Variants in FRMPD4 observed in about 807,000 individuals in gnomAD.
The protein encoded by FRMPD4 is FERM and PDZ domain-containing protein 4.
Under a neutral mutation model 94.1 loss-of-function variants are expected in FRMPD4, and 22 were observed. The ratio of observed to expected loss-of-function variants is 0.23; its 90% CI spans 0.17 to 0.33. The LOEUF is 0.33. Ranked by LOEUF, FRMPD4 falls within the 10% of genes least tolerant of loss-of-function variation. The pLI is 1.00. For synonymous variants in FRMPD4, 631 were observed against 548.6 expected (o/e 1.15, Z -2.10); for missense variants, 1,111 against 1,339.9 (o/e 0.83, Z 2.67).
At chrX:11,934,310 T>G (rs2054138500) in intron 3 of FRMPD4, among the ~76,000 whole-genome samples, 1 of 111,862 alleles carries the variant, frequency 8.9e-6, no homozygotes, top group African/African-American at 3.2e-5. Flanking sequence ...CCAGTGGTAG[T>G]TAGTGTACAT....
intron 4 of FRMPD4, among the ~76,000 whole-genome samples, chrX:12,646,434 G>A (rs934573560): frequency 9.0e-6 from 1 of 111,636 alleles, no homozygotes; most frequent in Non-Finnish European, 1.9e-5. Context: ...ATTTTTCTAG[G>A]TTGAGGCTAA....
At chrX:12,089,578 C>T (rs2055137801) in intron 3 of FRMPD4, among the ~76,000 whole-genome samples, 1 of 111,561 alleles carries the variant, frequency 9.0e-6, no homozygotes, top group Admixed American at 9.5e-5. Context: ...TTCATATGTT[C>T]GTTGGCCATT....
intron 1 of FRMPD4, among the ~76,000 whole-genome samples, chrX:12,311,859 A>AT (rs770179224): frequency 8.2e-4 from 91 of 111,317 alleles, no homozygotes; most frequent in Non-Finnish European, 1.5e-3. Flanking sequence ...TTCATTTCTA[A>AT]TTTTTGTGTT....
intron 3 of FRMPD4, among the ~76,000 whole-genome samples, chrX:12,125,367 G>A (rs1372570514): frequency 8.9e-6 from 1 of 112,106 alleles, no homozygotes; most frequent in East Asian, 2.8e-4. Context: ...TTCTGGAGGT[G>A]TTACCAGAAA....
At chrX:12,103,083 G>A (rs1455465847) in intron 3 of FRMPD4, among the ~76,000 whole-genome samples, 2 of 111,539 alleles carry the variant, frequency 1.8e-5, no homozygotes, top group African/African-American at 6.5e-5. Context: ...CCCAGGAAGT[G>A]TCTTGAGATA....
At position 12,717,495 on chromosome X, in the gene FRMPD4, A is replaced by G. The variant is rs774051300; in HGVS notation, c.2675-6A>G. 2.6e-6 allele frequency: 3 copies of G among 1,155,778 alleles called. No homozygotes were observed. The highest frequency in any genetic ancestry group is 3.6e-5 in the South Asian group (2 of 54,901). ...TTAATCAGTTCTTGTTTTTTACGGCATGCAGGTGTAGCCATCTTGCGGGCT... is the reference window on the plus strand; with the variant it reads ...TTAATCAGTTCTTGTTTTTTACGGCGTGCAGGTGTAGCCATCTTGCGGGCT... On this transcript the variant is annotated splice_region_variant and splice_polypyrimidine_tract_variant and intron_variant, in intron 15 of 16. Transcript: ENST00000675598.
At chrX:12,266,656 A>T (rs2054281867) in intron 1 of FRMPD4, among the ~76,000 whole-genome samples, 1 of 111,915 alleles carries the variant, frequency 8.9e-6, no homozygotes, top group South Asian at 3.8e-4. Context: ...ATTGGAATCT[A>T]CCATACCAGT....
chrX:12,287,128 T>C lies in FRMPD4; in HGVS notation c.41+148116T>C, dbSNP rs762259989. ...GCACTATCTAGATGTTAGGAATGCA[T>C]TGATGAACAAGGCAAGACCAAATGT... On this transcript the variant is annotated intron_variant, in intron 1 of 16. Transcript: ENST00000675598. Among the ~76,000 whole-genome samples the C allele has an allele frequency of 2.2e-4, 25 of 112,515 alleles. No individual in the cohort carries two copies. The South Asian group carries it at 6.2e-3, about 28-fold the overall frequency.
chrX:12,714,855 C>A (rs768841293), intron 14 of FRMPD4, among the ~76,000 whole-genome samples: 10 of 111,966 alleles, frequency 8.9e-5, no homozygotes, highest in Non-Finnish European at 1.7e-4. Flanking sequence ...TGGTAAGATG[C>A]AAATATGGCC....
intron 1 of FRMPD4, among the ~76,000 whole-genome samples, chrX:12,234,818 G>A (rs902572948): frequency 1.8e-5 from 2 of 112,156 alleles, no homozygotes; most frequent in East Asian, 5.6e-4. Context: ...CTAACAACTT[G>A]TGAAGGATTG....
At chrX:12,404,629 A>G (rs2056646544) in intron 1 of FRMPD4, among the ~76,000 whole-genome samples, 1 of 112,067 alleles carries the variant, frequency 8.9e-6, no homozygotes. Flanking sequence ...GGATGAACAT[A>G]ATTTCTCTTT....
In FRMPD4 at chrX:12,683,364, A is replaced by T. The variant is rs2059991548; in HGVS notation, c.469-119A>T. 2.1e-5 allele frequency: 9 copies of T among 433,792 alleles called. No homozygotes were observed. In the South Asian group the frequency reaches 3.4e-4, roughly 17 times the overall value. The allele number at this position is 433,792 out of a possible 1,213,427, so 35.7% of individuals were successfully genotyped here. ...AATTTGCATTTTGTCCTTGAATCGGACATGCACCAAGCATTTTATTTTTAA... is the reference window on the plus strand; with the variant it reads ...AATTTGCATTTTGTCCTTGAATCGGTCATGCACCAAGCATTTTATTTTTAA... On this transcript the variant is annotated intron_variant, in intron 5 of 16. Transcript: ENST00000675598.
chrX:12,640,593 C>A (rs2059490012), intron 4 of FRMPD4, among the ~76,000 whole-genome samples: 5 of 111,471 alleles, frequency 4.5e-5, no homozygotes, highest in Admixed American at 2.9e-4. Flanking sequence ...TTTAAAAGAA[C>A]ATTTCCAGTC....
intron 1 of FRMPD4, among the ~76,000 whole-genome samples, chrX:12,148,635 T>A (rs1484562252): frequency 8.9e-6 from 1 of 112,772 alleles, no homozygotes; most frequent in African/African-American, 3.2e-5. Context: ...AGATTTTCAG[T>A]GTAGACTAAC....
At chrX:11,900,213 G>A (rs1483766089) in intron 3 of FRMPD4, among the ~76,000 whole-genome samples, 1 of 110,945 alleles carries the variant, frequency 9.0e-6, no homozygotes, top group Non-Finnish European at 1.9e-5. Context: ...GTCTGAAGAA[G>A]GGGGAAGGAA....
intron 1 of FRMPD4, among the ~76,000 whole-genome samples, chrX:11,840,542 A>G (rs1273208306): frequency 9.2e-6 from 1 of 109,014 alleles, no homozygotes; most frequent in Non-Finnish European, 1.9e-5. Flanking sequence ...GTATGTGAAT[A>G]TGTGTTTAGT....
intron 3 of FRMPD4, among the ~76,000 whole-genome samples, chrX:12,110,998 G>C (rs1346881669): frequency 9.0e-6 from 1 of 111,549 alleles, no homozygotes; most frequent in Non-Finnish European, 1.9e-5. Flanking sequence ...TACTGCCCAA[G>C]GTAATTTATA....
intron 4 of FRMPD4, among the ~76,000 whole-genome samples, chrX:12,639,397 C>T (rs899188212): frequency 8.9e-6 from 1 of 112,202 alleles, no homozygotes; most frequent in African/African-American, 3.2e-5. Flanking sequence ...GTAATTTTCA[C>T]AAGCTTAGGT....
At chrX:11,865,039 AT>A (rs1426920128) in intron 1 of FRMPD4, among the ~76,000 whole-genome samples, 1 of 112,009 alleles carries the variant, frequency 8.9e-6, no homozygotes, top group African/African-American at 3.2e-5. Flanking sequence ...TGTGTAACAC[AT>A]TTTATACAAA....
Sources: gnomAD v4.1 joint callset for allele counts (sites outside exome capture counted in the v4.1 genomes callset) on GRCh38, gnomAD v4.1.1 for gene constraint, MANE v1.5 for transcripts, NCBI Gene and HGNC (gene_info 2026-07-23, HGNC 2026-07-21) for gene names.